The following SLC20A2 variants were observed in gnomAD, a reference collection of about 807,000 sequenced individuals.
SLC20A2 encodes solute carrier family 20 member 2.
SLC20A2 carries 30 observed loss-of-function variants against 61.0 expected under a neutral mutation model. The ratio of observed to expected loss-of-function variants is 0.49; its 90% CI spans 0.37 to 0.67. The LOEUF is 0.67. Ranked by LOEUF, SLC20A2 falls within the 30% of genes least tolerant of loss-of-function variation. The probability of loss-of-function intolerance (pLI) is 0.00; values close to 1 mark genes in which losing one functional copy is unlikely to be tolerated. For synonymous variants in SLC20A2, 351 were observed against 353.3 expected (o/e 0.99, Z 0.07); for missense variants, 626 against 866.4 (o/e 0.72, Z 3.48).
chr8:42,437,697 C>T lies in SLC20A2; in HGVS notation c.935-120G>A. 1 of 764,700 alleles carries T rather than the reference C, an allele frequency of 1.3e-6. No individual in the cohort carries two copies. Among genetic ancestry groups the T allele is most frequent in the Non-Finnish European group, 2.0e-6 (1 of 509,442 alleles). The allele number at this position is 764,700 out of a possible 1,614,324, so 47.4% of individuals were successfully genotyped here. ...ACAATGGCGCAATCTCGGCTCACTG[C>T]AACCTTCGCCTCCCGGGTTCAAGCG... On this transcript the variant is annotated intron_variant, in intron 7 of 10. Transcript: ENST00000520262. The surrounding 1 kb of genome is among the most constrained non-coding windows in gnomAD (Gnocchi z 6.4).
chr8:42,437,612 C>CTT lies in SLC20A2; in HGVS notation c.935-37_935-36dup, dbSNP rs754056948. 1.5e-3 allele frequency: 1,784 copies of CTT among 1,177,606 alleles called. No homozygotes were observed. Among genetic ancestry groups the CTT allele is most frequent in the Non-Finnish European group, 1.7e-3 (1,473 of 869,964 alleles). The allele number at this position is 1,177,606 out of a possible 1,614,324, so 72.9% of individuals were successfully genotyped here. A position where few individuals can be genotyped will look rare whatever the true frequency, so the allele number is the denominator to read the frequency against. On this transcript the variant is annotated intron_variant, in intron 7 of 10. Coordinates refer to ENST00000520262, the MANE Select transcript of SLC20A2 (RefSeq NM_001257180.2). This position sits in a 1 kb window ranked among gnomAD's most constrained non-coding sequence, Gnocchi z 6.4. ...GTTAGAGAAGGTCTCATTTTCCAGT[C>CTT]TTTTTTTTTTTTTTCTTTTCTTTTT...
chr8:42,486,716 G>C (rs1322974465), intron 1 of SLC20A2, among the ~76,000 whole-genome samples: 1 of 152,134 alleles, frequency 6.6e-6, no homozygotes, highest in African/African-American at 2.4e-5. Context: ...CTTCTCTCTT[G>C]TGGGTTCCAA....
rs1185417891 is a variant in SLC20A2, at chr8:42,437,362, T to A, written c.1150A>T (p.Asn384Tyr). 1.9e-6 allele frequency: 3 copies of A among 1,614,022 alleles called. No individual in the cohort carries two copies. Among genetic ancestry groups the A allele is most frequent in the Non-Finnish European group, 2.5e-6 (3 of 1,180,032 alleles). Reference sequence around the variant, plus strand: ...GCTGCGGTGTAGCAGGTGTAACTGTTGTTTCGGCGCAGCAGCCGGTAGTTG... The same window carrying A: ...GCTGCGGTGTAGCAGGTGTAACTGTAGTTTCGGCGCAGCAGCCGGTAGTTG... ...ESNYRLLRRN[N>Y]SYTCYTAAIC... Residue 384 changes from asparagine (N) to tyrosine (Y), a missense_variant, in exon 8 of 11, where the codon AAC becomes TAC. Transcript: ENST00000520262. The surrounding 1 kb of genome is among the most constrained non-coding windows in gnomAD (Gnocchi z 6.4).
intron 8 of SLC20A2, among the ~76,000 whole-genome samples, chr8:42,431,376 T>C (rs538887868): frequency 1.3e-5 from 2 of 152,348 alleles, no homozygotes; most frequent in South Asian, 4.1e-4. Context: ...CCTAGTTCTC[T>C]TCAATTCTGT....
chr8:42,533,971 G>C (rs891533177), intron 1 of SLC20A2, among the ~76,000 whole-genome samples: 7 of 121,398 alleles, frequency 5.8e-5, no homozygotes, highest in African/African-American at 1.7e-4. Flanking sequence ...CCCTCTCTTT[G>C]TGCTTACTAG....
intron 1 of SLC20A2, among the ~76,000 whole-genome samples, chr8:42,481,665 T>G (rs2131274553): frequency 6.6e-6 from 1 of 152,312 alleles, no homozygotes; most frequent in East Asian, 1.9e-4. Flanking sequence ...AAGAGGCCGT[T>G]TAGCCTGGAG....
At chr8:42,470,726 C>T (rs1807567870) in intron 2 of SLC20A2, among the ~76,000 whole-genome samples, 1 of 152,120 alleles carries the variant, frequency 6.6e-6, no homozygotes, top group Admixed American at 6.5e-5. Context: ...GTAATCCCAG[C>T]ACTTTGAGAG....
At chr8:42,451,357 AGGAAGAGAT>A (rs1805625356) in intron 5 of SLC20A2, among the ~76,000 whole-genome samples, 1 of 148,958 alleles carries the variant, frequency 6.7e-6, no homozygotes, top group African/African-American at 2.5e-5. Flanking sequence ...ATGGAGGAGG[AGGAAGAGAT>A]GGAAGAGGAA....
chr8:42,418,182 T>C (rs1802801734), intron 10 of SLC20A2, among the ~76,000 whole-genome samples: 1 of 152,258 alleles, frequency 6.6e-6, no homozygotes, highest in Non-Finnish European at 1.5e-5. Flanking sequence ...TTTATATAGT[T>C]GTTTTGAGAC....
intron 10 of SLC20A2, 58 bp downstream of exon 10, chr8:42,428,700 G>A: frequency 6.7e-7 from 1 of 1,484,024 alleles, no homozygotes; most frequent in South Asian, 1.2e-5. Context: ...ATGCGCTCCG[G>A]TGGCCCTGGA....
rs569810522 is a variant in SLC20A2, at chr8:42,512,495, C to T, written c.-265+29326G>A. Among the ~76,000 whole-genome samples the T allele has an allele frequency of 6.6e-5, 10 of 151,978 alleles. No homozygotes were observed. In the South Asian group the frequency reaches 1.7e-3, roughly 25 times the overall value. On this transcript the variant is annotated intron_variant, in intron 1 of 10. Transcript: ENST00000342228. ...CCTCTCGAGTAGCTGGGACTACAGG[C>T]GTGCGCTATCACACCCAGCTAATAT...
intron 1 of SLC20A2, among the ~76,000 whole-genome samples, chr8:42,475,887 C>T (rs1315478117): frequency 2.6e-5 from 4 of 152,018 alleles, no homozygotes; most frequent in Middle Eastern, 3.4e-3. Context: ...ACTGCAGCGG[C>T]AAAATCCAAC....
In SLC20A2 at chr8:42,439,557, C is replaced by G; in HGVS notation, c.827G>C (p.Gly276Ala). Reference protein sequence around the residue: ...AESPVFKELPGAKANDDSTIP... With the variant: ...AESPVFKELPAAKANDDSTIP... ...GGTGCTGTCATCATTAGCCTTGGCA[C>G]CTGGTAGCTCTTTAAATACTGGGGA... The change falls in exon 7 of 11, where the codon GGT becomes GCT. Residue 276 changes from glycine (G) to alanine (A), a missense_variant. By Grantham distance (60) the Gly-to-Ala change is moderately conservative. This residue lies in a region of SLC20A2 where 361 missense variants were observed against 422.3 expected (regional missense o/e 0.85). Transcript: ENST00000520262. 1 of 1,614,204 alleles carries G rather than the reference C, an allele frequency of 6.2e-7. No individual in the cohort carries two copies. Among genetic ancestry groups the G allele is most frequent in the Non-Finnish European group, 8.5e-7 (1 of 1,180,042 alleles).
intron 1 of SLC20A2, among the ~76,000 whole-genome samples, chr8:42,531,309 T>TTTTAG (rs1812304588): frequency 6.6e-6 from 1 of 152,134 alleles, no homozygotes; most frequent in Admixed American, 6.5e-5. Context: ...TCTTAGCCAT[T>TTTTAG]CTTTTAGCTC....
intron 10 of SLC20A2, among the ~76,000 whole-genome samples, chr8:42,421,788 C>A (rs1016360145): frequency 6.6e-6 from 1 of 151,618 alleles, no homozygotes; most frequent in African/African-American, 2.4e-5. Context: ...GCCTGGGTAA[C>A]GAGTGAAACT....
At chr8:42,438,932 G>T (rs770313042) in intron 7 of SLC20A2, among the ~76,000 whole-genome samples, 23 of 152,134 alleles carry the variant, frequency 1.5e-4, no homozygotes, top group Non-Finnish European at 2.9e-4. Context: ...GGTCAGGCTG[G>T]TCTTGAATTC....
intron 10 of SLC20A2, among the ~76,000 whole-genome samples, chr8:42,425,142 A>AT (rs1337443735): frequency 6.6e-6 from 1 of 152,208 alleles, no homozygotes; most frequent in African/African-American, 2.4e-5. Flanking sequence ...TAAAAACCTC[A>AT]TTTTAAACAA....
intron 1 of SLC20A2, chr8:42,541,309 G>GC (rs1252301046): frequency 6.7e-6 from 1 of 148,920 alleles, no homozygotes; most frequent in Non-Finnish European, 1.5e-5. Context: ...ACCCGCCGCC[G>GC]CCGCGAGCCC....
chr8:42,536,435 C>T (rs1179519705), intron 1 of SLC20A2: 1 of 152,302 alleles, frequency 6.6e-6, no homozygotes, highest in East Asian at 1.9e-4. Flanking sequence ...CTCCTAATTC[C>T]TGGACAGCTG....
Sources: allele counts gnomAD v4.1 joint callset (sites outside exome capture counted in the v4.1 genomes callset), GRCh38; gene constraint gnomAD v4.1.1; regional missense constraint gnomAD v4.1.1; non-coding constraint Gnocchi (gnomAD v3.1); transcripts MANE v1.5; gene names NCBI Gene and HGNC (gene_info 2026-07-23, HGNC 2026-07-21).